Variants in RORA observed in about 807,000 individuals in gnomAD.
The protein encoded by RORA is RAR related orphan receptor A.
Under a neutral mutation model 69.5 loss-of-function variants are expected in RORA, and 7 were observed. The observed-to-expected ratio is 0.10, with a 90% CI of 0.06 to 0.19. The LOEUF (loss-of-function observed/expected upper bound fraction) is 0.19, where lower values mean the gene tolerates loss of function less well. RORA is among the 10% of genes least tolerant of loss of function. The pLI is 1.00. For synonymous variants in RORA, 261 were observed against 240.8 expected (o/e 1.08, Z -0.78); for missense variants, 457 against 663.0 (o/e 0.69, Z 3.41).
intron 1 of RORA, among the ~76,000 whole-genome samples, chr15:61,009,788 G>A (rs917898899): frequency 2.0e-5 from 3 of 152,114 alleles, no homozygotes; most frequent in Non-Finnish European, 4.4e-5. Flanking sequence ...CACATAAAAA[G>A]GATCTTAATC....
At chr15:60,623,189 G>C (rs1273945457) in intron 2 of RORA, among the ~76,000 whole-genome samples, 2 of 152,154 alleles carry the variant, frequency 1.3e-5, no homozygotes, top group Non-Finnish European at 2.9e-5. Context: ...CCCACCACAG[G>C]TGTGCTCTGC....
chr15:61,192,953 T>C (rs2079814247), intron 1 of RORA, among the ~76,000 whole-genome samples: 1 of 152,196 alleles, frequency 6.6e-6, no homozygotes, highest in African/African-American at 2.4e-5. Context: ...TACTAGTTGT[T>C]GCTATTCCTA....
At chr15:61,192,707 C>T (rs1463853266) in intron 1 of RORA, among the ~76,000 whole-genome samples, 1 of 152,236 alleles carries the variant, frequency 6.6e-6, no homozygotes, top group East Asian at 1.9e-4. Flanking sequence ...GCTACCAGTA[C>T]ACATCCCAAC....
intron 1 of RORA, among the ~76,000 whole-genome samples, chr15:60,976,614 T>TA (rs1190577540): frequency 1.3e-5 from 2 of 152,120 alleles, no homozygotes; most frequent in Non-Finnish European, 1.5e-5. Context: ...AAATGTTAGC[T>TA]AAGGCAGCCC....
intron 2 of RORA, among the ~76,000 whole-genome samples, chr15:60,637,205 C>T (rs1427590605): frequency 6.6e-6 from 1 of 152,052 alleles, no homozygotes; most frequent in African/African-American, 2.4e-5. Context: ...CTTTCTGAAA[C>T]TGACTGAATT....
chr15:61,056,675 T>A (rs2078101080), intron 1 of RORA, among the ~76,000 whole-genome samples: 1 of 152,220 alleles, frequency 6.6e-6, no homozygotes, highest in African/African-American at 2.4e-5. Context: ...AAGCATTTTT[T>A]TAAAATATGG....
intron 1 of RORA, among the ~76,000 whole-genome samples, chr15:60,896,732 C>CTTTTTTT (rs66780614): frequency 2.6e-5 from 3 of 117,168 alleles, no homozygotes; most frequent in Non-Finnish European, 5.6e-5. Context: ...GAGAATTTAG[C>CTTTTTTT]TTTTTTTTTT....
intron 5 of RORA, 99 bp from the exon 6 acceptor site, chr15:60,505,728 G>C: frequency 7.2e-7 from 1 of 1,379,528 alleles, no homozygotes. Context: ...AGAAAACAAT[G>C]TGCTGTGCGA....
intron 2 of RORA, among the ~76,000 whole-genome samples, chr15:60,652,062 T>G (rs2140699338): frequency 6.6e-6 from 1 of 151,474 alleles, no homozygotes; most frequent in South Asian, 2.1e-4. Context: ...GATCTCAACC[T>G]CTCCTTCACT....
At chr15:60,687,202 G>A (rs1302916813) in intron 1 of RORA, among the ~76,000 whole-genome samples, 3 of 152,160 alleles carry the variant, frequency 2.0e-5, no homozygotes, top group Admixed American at 1.3e-4. Context: ...AAGATGAAAA[G>A]TAAAAGCCCT....
At chr15:61,048,192 G>A (rs1477973679) in intron 1 of RORA, among the ~76,000 whole-genome samples, 1 of 152,164 alleles carries the variant, frequency 6.6e-6, no homozygotes, top group Admixed American at 6.5e-5. Flanking sequence ...AATACTTTAA[G>A]TAAGATTATG....
chr15:60,758,584 C>T (rs1004487700), intron 1 of RORA, among the ~76,000 whole-genome samples: 4 of 152,100 alleles, frequency 2.6e-5, no homozygotes, highest in Admixed American at 6.6e-5. Flanking sequence ...CTCTTCACCT[C>T]CATGGTAACA....
intron 5 of RORA, 150 bp from the exon 6 acceptor site, chr15:60,505,779 C>G (rs2141287629): frequency 1.1e-6 from 1 of 907,622 alleles, no homozygotes; most frequent in East Asian, 2.7e-5. Flanking sequence ...TAATTTGGAA[C>G]TGTTTTGTAT....
intron 2 of RORA, among the ~76,000 whole-genome samples, chr15:60,581,297 C>T (rs2068186549): frequency 6.6e-6 from 1 of 152,178 alleles, no homozygotes; most frequent in Non-Finnish European, 1.5e-5. Flanking sequence ...CTTAACTCAT[C>T]TTAAACAACT....
chr15:60,853,672 A>G (rs75084363), intron 1 of RORA, among the ~76,000 whole-genome samples: 11,434 of 152,312 alleles, frequency 0.075, 528 homozygotes, highest in East Asian at 0.15. Context: ...TGGTTCCATT[A>G]ATATTCCAAT....
chr15:61,215,065 G>A (rs1444405878), intron 1 of RORA, among the ~76,000 whole-genome samples: 9 of 118,246 alleles, frequency 7.6e-5, no homozygotes, highest in Non-Finnish European at 1.4e-4. Flanking sequence ...TTGTATTTTA[G>A]GTAGATATGG....
chr15:60,820,066 C>T (rs1025204818), intron 1 of RORA, among the ~76,000 whole-genome samples: 73 of 152,222 alleles, frequency 4.8e-4, no homozygotes, highest in African/African-American at 1.7e-3. Context: ...CGCGGTCCTC[C>T]CCTGGGCCAC....
chr15:60,734,209 C>T (rs563199001), intron 1 of RORA, among the ~76,000 whole-genome samples: 2 of 152,216 alleles, frequency 1.3e-5, no homozygotes, highest in South Asian at 4.2e-4. Context: ...GGTCTTTGAG[C>T]CAACAGCATC....
chr15:60,784,090 A>G (rs1184273041), intron 1 of RORA, among the ~76,000 whole-genome samples: 1 of 152,228 alleles, frequency 6.6e-6, no homozygotes, highest in Non-Finnish European at 1.5e-5. Flanking sequence ...AACTGGGGAA[A>G]ATAAGGATAA....
Sources: gnomAD v4.1 joint callset for allele counts (sites outside exome capture counted in the v4.1 genomes callset) on GRCh38, gnomAD v4.1.1 for gene constraint, MANE v1.5 for transcripts, NCBI Gene and HGNC (gene_info 2026-07-23, HGNC 2026-07-21) for gene names.